Variants in R3HDM1 observed in about 807,000 individuals in gnomAD.
R3HDM1 encodes the protein R3H domain-containing protein 1.
In R3HDM1, 46 loss-of-function variants were observed where a neutral mutation model predicts 141.1. The ratio of observed to expected loss-of-function variants is 0.33; its 90% CI spans 0.26 to 0.42. The LOEUF is 0.42. Among genes scored for constraint, R3HDM1 ranks in the 10% least tolerant of loss-of-function variants. The pLI, the probability that R3HDM1 is intolerant of heterozygous loss-of-function variation, is 1.00. For missense variants in R3HDM1, 1,184 were observed against 1,368.3 expected (o/e 0.87, Z 2.12); for synonymous variants, 435 against 472.9 (o/e 0.92, Z 1.04).
chr2:135,539,420 A>G (rs534883380), intron 1 of R3HDM1, among the ~76,000 whole-genome samples: 1 of 152,186 alleles, frequency 6.6e-6, no homozygotes, highest in Non-Finnish European at 1.5e-5. Context: ...AGGTGCTAGG[A>G]ATTTTTCACC....
At chr2:135,619,908 T>C (rs1301981695) in intron 5 of R3HDM1, 1 of 172,664 alleles carries the variant, frequency 5.8e-6, no homozygotes, top group African/African-American at 2.4e-5. Flanking sequence ...AATTGCAGTT[T>C]CCTATGGAGA....
intron 9 of R3HDM1, among the ~76,000 whole-genome samples, chr2:135,635,285 C>T (rs528024010): frequency 1.2e-4 from 19 of 152,240 alleles, no homozygotes; most frequent in East Asian, 3.9e-4. Flanking sequence ...GCATAAGATA[C>T]GGCACTGCAC....
intron 1 of R3HDM1, among the ~76,000 whole-genome samples, chr2:135,557,780 A>G (rs1325076039): frequency 6.6e-6 from 1 of 152,202 alleles, no homozygotes; most frequent in Non-Finnish European, 1.5e-5. Context: ...GTGGAACTTA[A>G]CTGCCAGGCA....
intron 7 of R3HDM1, among the ~76,000 whole-genome samples, chr2:135,624,350 C>T (rs2061794495): frequency 2.0e-5 from 3 of 148,976 alleles, no homozygotes; most frequent in African/African-American, 5.0e-5. Context: ...AGTAGAGATG[C>T]GCCACTGCAC....
intron 21 of R3HDM1, among the ~76,000 whole-genome samples, chr2:135,706,006 G>A (rs1474373165): frequency 1.3e-5 from 2 of 151,884 alleles, no homozygotes; most frequent in African/African-American, 4.8e-5. Context: ...GCGGGCACCT[G>A]TAGTCCCAGC....
chr2:135,622,290 G>A (rs189555132), intron 6 of R3HDM1: 4 of 984,622 alleles, frequency 4.1e-6, no homozygotes, highest in African/African-American at 1.7e-5. Flanking sequence ...TGCTACAAAT[G>A]TAGTTAATTA....
At chr2:135,603,173 A>T (rs2059759975) in intron 2 of R3HDM1, among the ~76,000 whole-genome samples, 2 of 152,106 alleles carry the variant, frequency 1.3e-5, no homozygotes, top group South Asian at 2.1e-4. Context: ...TATTTTTAAT[A>T]GAGATGGGGT....
intron 1 of R3HDM1, among the ~76,000 whole-genome samples, chr2:135,601,928 C>T (rs1387531036): frequency 2.0e-5 from 3 of 147,720 alleles, no homozygotes; most frequent in Non-Finnish European, 4.4e-5. Flanking sequence ...TCCCAAAGTG[C>T]TGGGATTATA....
chr2:135,570,882 G>A (rs1703951995), intron 1 of R3HDM1, among the ~76,000 whole-genome samples: 1 of 152,160 alleles, frequency 6.6e-6, no homozygotes, highest in Non-Finnish European at 1.5e-5. Context: ...AGCCTGAAGT[G>A]TCACAAAAGT....
chr2:135,604,869 T>G lies in R3HDM1; in HGVS notation c.24T>G (p.Thr8=), dbSNP rs952904244. Residue 8 remains threonine (T), a synonymous_variant, in exon 3 of 27, where the codon ACT becomes ACG. Coordinates refer to ENST00000683871, the MANE Select transcript of R3HDM1 (RefSeq NM_001378107.1). Reference sequence around the variant, plus strand: ...TAATGAGGATGTCTGATACTGTTACTGTAAAAGATGAAACTGCAACAATGA... The same window carrying G: ...TAATGAGGATGTCTGATACTGTTACGGTAAAAGATGAAACTGCAACAATGA... The part of the protein sequence containing the change: MRMSDTV[T]VKDETATMKD... 1 of 1,611,960 alleles carries G rather than the reference T, an allele frequency of 6.2e-7. No homozygotes were observed. Among genetic ancestry groups the G allele is most frequent in the African/African-American group, 1.3e-5 (1 of 74,880 alleles).
chr2:135,543,187 G>A (rs974601765), intron 1 of R3HDM1: 8 of 639,650 alleles, frequency 1.3e-5, no homozygotes, highest in South Asian at 7.0e-5. Flanking sequence ...ATTTTTATAC[G>A]TGAATATCTA....
intron 11 of R3HDM1, among the ~76,000 whole-genome samples, chr2:135,636,804 AAAG>A (rs965393554): frequency 7.9e-5 from 12 of 152,084 alleles, no homozygotes; most frequent in South Asian, 2.1e-4. Context: ...AAAAAAAAAA[AAAG>A]AAGATTAAAT....
chr2:135,641,908 C>A lies in R3HDM1; in HGVS notation c.1474+118C>A, dbSNP rs899973908. On this transcript the variant is annotated intron_variant, in intron 15 of 26. Transcript: ENST00000683871. The stretch of plus-strand genomic sequence containing the variant: ...ATTATTCATGAATAATTAACATTTT[C>A]CAAGAACTTTATAACAAAAACACTT... 4 of 1,238,738 alleles carry A rather than the reference C, an allele frequency of 3.2e-6. No individual in the cohort carries two copies. The African/African-American group carries it at 4.6e-5, about 14-fold the overall frequency. 76.7% of individuals were successfully genotyped at this position (1,238,738 alleles called of 1,614,324 possible).
intron 1 of R3HDM1, among the ~76,000 whole-genome samples, chr2:135,572,255 C>G (rs1704292965): frequency 6.6e-6 from 1 of 152,118 alleles, no homozygotes; most frequent in South Asian, 2.1e-4. Context: ...GCACCTGGCC[C>G]CAGCCTGCAA....
At chr2:135,637,215 T>G (rs2063347081) in intron 11 of R3HDM1, among the ~76,000 whole-genome samples, 1 of 152,106 alleles carries the variant, frequency 6.6e-6, no homozygotes, top group South Asian at 2.1e-4. Flanking sequence ...ACACAGCAGA[T>G]AAGCACCAAA....
intron 19 of R3HDM1, among the ~76,000 whole-genome samples, chr2:135,674,916 C>T (rs1409976150): frequency 1.3e-5 from 2 of 150,622 alleles, no homozygotes; most frequent in African/African-American, 2.4e-5. Context: ...TTGTTACCAA[C>T]TTGAAATTCT....
chr2:135,589,844 T>C (rs1708833720), intron 1 of R3HDM1, among the ~76,000 whole-genome samples: 1 of 152,014 alleles, frequency 6.6e-6, no homozygotes, highest in South Asian at 2.1e-4. Flanking sequence ...TCTGTTACAT[T>C]ATATAATATA....
chr2:135,585,008 G>A (rs540786537), intron 1 of R3HDM1, among the ~76,000 whole-genome samples: 1 of 152,328 alleles, frequency 6.6e-6, no homozygotes, highest in South Asian at 2.1e-4. Context: ...AAAGTTAGGA[G>A]CTTGGATATT....
rs553082525 is a variant in R3HDM1 at position 135,622,115 on chromosome 2, T to C, written c.418+507T>C. The C allele has an allele frequency of 2.0e-5, 20 of 981,944 alleles. No homozygotes were observed. The African/African-American group carries it at 3.0e-4, about 15-fold the overall frequency. 60.8% of individuals were successfully genotyped at this position (981,944 alleles called of 1,614,324 possible). A position where few individuals can be genotyped will look rare whatever the true frequency, so the allele number is the denominator to read the frequency against. On this transcript the variant is annotated intron_variant, in intron 6 of 26. Transcript: ENST00000683871. The stretch of plus-strand genomic sequence containing the variant: ...ACCAGTATTATAAATAGTATAAAGA[T>C]ACTACATTTAAGGCGAAGATAGCAT...
Sources: gnomAD v4.1 joint callset for allele counts (sites outside exome capture counted in the v4.1 genomes callset) on GRCh38, gnomAD v4.1.1 for gene constraint, MANE v1.5 for transcripts, NCBI Gene and HGNC (gene_info 2026-07-23, HGNC 2026-07-21) for gene names.